Variants in TAFA5 observed in about 807,000 individuals in gnomAD.
TAFA5 encodes TAFA chemokine like family member 5, also known as chemokine-like protein TAFA-5.
A neutral mutation model predicts 15.3 loss-of-function variants in TAFA5; 6 were observed. The ratio of observed to expected loss-of-function variants is 0.39; its 90% CI spans 0.21 to 0.77. The LOEUF (loss-of-function observed/expected upper bound fraction) is 0.77, where lower values mean the gene tolerates loss of function less well. Among genes scored for constraint, TAFA5 ranks in the 30% least tolerant of loss-of-function variants. The probability of loss-of-function intolerance (pLI) is 0.41; values close to 1 mark genes in which losing one functional copy is unlikely to be tolerated. For missense variants in TAFA5, 161 were observed against 193.1 expected (o/e 0.83, Z 0.98); for synonymous variants, 103 against 80.7 (o/e 1.28, Z -1.48).
At chr22:48,622,720 G>A (rs900074509) in intron 1 of TAFA5, among the ~76,000 whole-genome samples, 5 of 152,262 alleles carry the variant, frequency 3.3e-5, no homozygotes, top group African/African-American at 9.6e-5. Flanking sequence ...CCCGGAGGAG[G>A]TGGTATCGAT....
chr22:48,638,488 C>G (rs1926542217), intron 1 of TAFA5, among the ~76,000 whole-genome samples: 1 of 132,076 alleles, frequency 7.6e-6, no homozygotes, highest in African/African-American at 2.9e-5. Context: ...GGGGGGACCC[C>G]AACACTAAGC....
intron 2 of TAFA5, among the ~76,000 whole-genome samples, chr22:48,677,468 C>T (rs1004902788): frequency 2.0e-5 from 3 of 152,228 alleles, no homozygotes; most frequent in African/African-American, 7.2e-5. Flanking sequence ...TCTTGAGGGA[C>T]TGCTCCCCGG....
At chr22:48,638,680 C>A (rs1601634199) in intron 1 of TAFA5, among the ~76,000 whole-genome samples, 1 of 138,202 alleles carries the variant, frequency 7.2e-6, no homozygotes, top group African/African-American at 2.8e-5. Context: ...CAGGCAATAC[C>A]ACCCCCCTGG....
intron 1 of TAFA5, among the ~76,000 whole-genome samples, chr22:48,637,879 G>A (rs528693732): frequency 9.2e-5 from 14 of 152,120 alleles, no homozygotes; most frequent in African/African-American, 2.7e-4. Context: ...TTTATGAATA[G>A]GTCTTCTCCT....
At chr22:48,587,023 G>T (rs756566943) in intron 1 of TAFA5, among the ~76,000 whole-genome samples, 1 of 152,198 alleles carries the variant, frequency 6.6e-6, no homozygotes, top group Non-Finnish European at 1.5e-5. Context: ...TGTCCAGGGT[G>T]CAGGAGCCAG....
At chr22:48,611,690 C>T (rs566870010) in intron 1 of TAFA5, among the ~76,000 whole-genome samples, 1 of 152,288 alleles carries the variant, frequency 6.6e-6, no homozygotes, top group East Asian at 1.9e-4. Context: ...CCTGGTAGAA[C>T]TTTCTGGAAA....
intron 3 of TAFA5, among the ~76,000 whole-genome samples, chr22:48,743,169 C>T (rs1024979051): frequency 4.6e-5 from 7 of 152,102 alleles, no homozygotes; most frequent in African/African-American, 1.2e-4. Flanking sequence ...GCCGTGCTCC[C>T]GCAGGAGGCA....
At chr22:48,512,481 AC>A (rs1034731299) in intron 1 of TAFA5, among the ~76,000 whole-genome samples, 2 of 151,948 alleles carry the variant, frequency 1.3e-5, no homozygotes, top group African/African-American at 4.8e-5. Flanking sequence ...AGTGGTGGGC[AC>A]CTGTCATCCC....
intron 3 of TAFA5, among the ~76,000 whole-genome samples, chr22:48,734,059 C>G (rs1409497313): frequency 6.6e-6 from 1 of 152,196 alleles, no homozygotes; most frequent in African/African-American, 2.4e-5. Context: ...CTACCGTACA[C>G]AAAAACCGTT....
chr22:48,516,954 C>T (rs1036745882), intron 1 of TAFA5, among the ~76,000 whole-genome samples: 2 of 152,216 alleles, frequency 1.3e-5, no homozygotes, highest in Non-Finnish European at 2.9e-5. Context: ...ATTTATTTTT[C>T]GCATAGTTAA....
chr22:48,736,067 T>TGTCCACA (rs1930010494), intron 3 of TAFA5, among the ~76,000 whole-genome samples: 1 of 59,720 alleles, frequency 1.7e-5, no homozygotes, highest in African/African-American at 7.5e-5. Context: ...GGAATGAGAA[T>TGTCCACA]CGCACTCCTA....
At chr22:48,662,928 G>A (rs1003170608) in intron 2 of TAFA5, among the ~76,000 whole-genome samples, 1 of 152,202 alleles carries the variant, frequency 6.6e-6, no homozygotes, top group Admixed American at 6.5e-5. Context: ...CAGGGAGCCC[G>A]AGAGGTGAAT....
chr22:48,711,499 G>A (rs1355425953), intron 3 of TAFA5, among the ~76,000 whole-genome samples: 1 of 152,060 alleles, frequency 6.6e-6, no homozygotes, highest in Non-Finnish European at 1.5e-5. Context: ...ACTGGCCTGT[G>A]GTGACCTGTG....
At chr22:48,691,132 G>A (rs1928527881) in intron 2 of TAFA5, among the ~76,000 whole-genome samples, 1 of 152,168 alleles carries the variant, frequency 6.6e-6, no homozygotes, top group South Asian at 2.1e-4. Context: ...AGGCTCCCAG[G>A]CAAGCCTCAG....
intron 2 of TAFA5, among the ~76,000 whole-genome samples, chr22:48,696,535 G>T (rs576261876): frequency 4.1e-4 from 62 of 152,316 alleles, no homozygotes; most frequent in Non-Finnish European, 7.2e-4. Context: ...CTGCAGGGGG[G>T]TCCCGGAGTG....
At chr22:48,731,458 A>G (rs1929866686) in intron 3 of TAFA5, among the ~76,000 whole-genome samples, 1 of 152,232 alleles carries the variant, frequency 6.6e-6, no homozygotes, top group Non-Finnish European at 1.5e-5. Context: ...CCCACTAGAG[A>G]GAAGTCAGTG....
At chr22:48,619,943 G>A (rs1925745005) in intron 1 of TAFA5, among the ~76,000 whole-genome samples, 1 of 152,234 alleles carries the variant, frequency 6.6e-6, no homozygotes, top group Non-Finnish European at 1.5e-5. Flanking sequence ...GCGGGCCTGG[G>A]GGCGTCGGCC....
chr22:48,566,674 TG>T lies in TAFA5; in HGVS notation c.112+76976del, dbSNP rs1353244550. ...AGCCTTAGTTTCCTCAGCAATACGT[TG>T]GGGGGTGGGGTGGAATCTTTGCCTA... On this transcript the variant is annotated intron_variant, in intron 1 of 3. Transcript: ENST00000402357. This position sits in a 1 kb window ranked among gnomAD's most constrained non-coding sequence, Gnocchi z 4.5. 1.3e-5 allele frequency among the ~76,000 whole-genome samples: 2 copies of T among 151,966 alleles called. No individual in the cohort carries two copies. The highest frequency in any genetic ancestry group is 2.9e-5 in the Non-Finnish European group (2 of 67,972).
intron 1 of TAFA5, among the ~76,000 whole-genome samples, chr22:48,586,603 G>C (rs1924371299): frequency 6.6e-6 from 1 of 152,244 alleles, no homozygotes. Context: ...ACTGGCCACA[G>C]GACTGCGCTG....
Sources: gnomAD v4.1 joint callset for allele counts (sites outside exome capture counted in the v4.1 genomes callset) on GRCh38, gnomAD v4.1.1 for gene constraint, Gnocchi (gnomAD v3.1) non-coding constraint, MANE v1.5 for transcripts, NCBI Gene and HGNC (gene_info 2026-07-23, HGNC 2026-07-21) for gene names.